The following R3HDM1 variants were observed in gnomAD, a reference collection of about 807,000 sequenced individuals.
R3HDM1 encodes the protein R3H domain containing 1, also known as R3H domain-containing protein 1.
Under a neutral mutation model 141.1 loss-of-function variants are expected in R3HDM1, and 46 were observed. The observed-to-expected ratio is 0.33, with a 90% CI of 0.26 to 0.42. R3HDM1 has a LOEUF of 0.42. Among genes scored for constraint, R3HDM1 ranks in the 10% least tolerant of loss-of-function variants. The pLI is 1.00. For synonymous variants in R3HDM1, 435 were observed against 472.9 expected, an observed-to-expected ratio of 0.92 and a Z score of 1.04; for missense variants, 1,184 against 1,368.3, an observed-to-expected ratio of 0.87 and a Z score of 2.12.
chr2:135,704,115 G>T (rs2105419491), intron 21 of R3HDM1, among the ~76,000 whole-genome samples: 1 of 152,176 alleles, frequency 6.6e-6, no homozygotes, highest in South Asian at 2.1e-4. Flanking sequence ...TGAATAACTG[G>T]GATTACAGGC....
intron 3 of R3HDM1, among the ~76,000 whole-genome samples, chr2:135,609,602 G>A (rs1387629511): frequency 2.6e-5 from 4 of 152,168 alleles, no homozygotes; most frequent in Non-Finnish European, 4.4e-5. Flanking sequence ...CCAGAAAAAT[G>A]TATTTTGTTA....
chr2:135,546,023 A>C (rs1698622350), intron 1 of R3HDM1, among the ~76,000 whole-genome samples: 1 of 152,196 alleles, frequency 6.6e-6, no homozygotes, highest in African/African-American at 2.4e-5. Flanking sequence ...ATATCAGAAT[A>C]GGGGAAGAGG....
At chr2:135,650,869 T>C in intron 17 of R3HDM1, 1 of 985,410 alleles carries the variant, frequency 1.0e-6, no homozygotes, top group Non-Finnish European at 1.2e-6. Context: ...ATTTTGTAAG[T>C]CATTTTTTTC....
chr2:135,550,898 A>C (rs1699717604), intron 1 of R3HDM1, among the ~76,000 whole-genome samples: 1 of 152,166 alleles, frequency 6.6e-6, no homozygotes, highest in Non-Finnish European at 1.5e-5. Flanking sequence ...GGCATACTAC[A>C]ATTATACTTC....
Position 135,676,230 on chromosome 2 carries a change from CAGG to C in R3HDM1, c.2307+747_2307+749del, listed in dbSNP as rs1220702490. Among the ~76,000 whole-genome samples the C allele has an allele frequency of 3.9e-5, 6 of 152,188 alleles. No homozygotes were observed. In the East Asian group the frequency reaches 9.7e-4, roughly 25 times the overall value. Reference sequence around the variant, plus strand: ...ATTCCAGCTACTCGGGAAGCTGAGGCAGGAGAATTGCTTAAACCCAGGAAGTGG... The same window carrying C: ...ATTCCAGCTACTCGGGAAGCTGAGGCAGAATTGCTTAAACCCAGGAAGTGG... On this transcript the variant is annotated intron_variant, in intron 20 of 26. Coordinates refer to ENST00000683871, the MANE Select transcript of R3HDM1 (RefSeq NM_001378107.1).
chr2:135,646,976 A>G (rs2064527234), intron 16 of R3HDM1, among the ~76,000 whole-genome samples: 1 of 152,136 alleles, frequency 6.6e-6, no homozygotes, highest in Admixed American at 6.5e-5. Context: ...TGCAGGGTTG[A>G]AGAACATACA....
intron 26 of R3HDM1, 60 bp from the exon 27 acceptor site, chr2:135,723,876 CT>C: frequency 7.9e-7 from 1 of 1,263,872 alleles, no homozygotes; most frequent in Middle Eastern, 2.1e-4. Context: ...GTCTGCAGTG[CT>C]TTTTTACCCA....
chr2:135,635,487 A>T (rs1349006775), intron 9 of R3HDM1, among the ~76,000 whole-genome samples: 1 of 152,236 alleles, frequency 6.6e-6, no homozygotes, highest in African/African-American at 2.4e-5. Flanking sequence ...TTACTGTTTT[A>T]TGTGTTACTG....
At chr2:135,567,546 TC>T (rs1345760251) in intron 1 of R3HDM1, among the ~76,000 whole-genome samples, 1 of 152,182 alleles carries the variant, frequency 6.6e-6, no homozygotes, top group Non-Finnish European at 1.5e-5. Context: ...GAGCTTAGTA[TC>T]CTAGAGTATA....
At chr2:135,553,991 C>T (rs1157880987) in intron 1 of R3HDM1, among the ~76,000 whole-genome samples, 2 of 152,192 alleles carry the variant, frequency 1.3e-5, no homozygotes, top group Non-Finnish European at 2.9e-5. Context: ...CGCTCAGCCT[C>T]TGCTGGTTTT....
intron 26 of R3HDM1, among the ~76,000 whole-genome samples, chr2:135,723,034 T>G (rs1433507825): frequency 1.3e-5 from 2 of 152,184 alleles, no homozygotes; most frequent in Non-Finnish European, 2.9e-5. Flanking sequence ...ATCACCTAAT[T>G]TAGAGAAGCC....
intron 18 of R3HDM1, among the ~76,000 whole-genome samples, chr2:135,653,892 A>G (rs1344427651): frequency 6.6e-6 from 1 of 152,080 alleles, no homozygotes; most frequent in Non-Finnish European, 1.5e-5. Context: ...TTTGTGTTCT[A>G]ATATTTTAGC....
chr2:135,542,677 CAA>C (rs1436392229), intron 1 of R3HDM1, among the ~76,000 whole-genome samples: 2 of 152,180 alleles, frequency 1.3e-5, no homozygotes, highest in African/African-American at 4.8e-5. Flanking sequence ...TACCAAGCAT[CAA>C]ACTGGCAGAT....
At chr2:135,534,298 A>G (rs1356462756) in intron 1 of R3HDM1, among the ~76,000 whole-genome samples, 1 of 152,220 alleles carries the variant, frequency 6.6e-6, no homozygotes, top group Non-Finnish European at 1.5e-5. Context: ...ATCCATATTC[A>G]TTGTGCTACC....
At chr2:135,667,063 T>G (rs1672141357) in intron 19 of R3HDM1, 1 of 881,016 alleles carries the variant, frequency 1.1e-6, no homozygotes, top group Non-Finnish European at 1.4e-6. Flanking sequence ...TTTTTGTAAT[T>G]TTTCTGATTA....
In R3HDM1 at chr2:135,579,836, A is replaced by T. The variant is rs146759685; in HGVS notation, c.-249-22664A>T. ...GTGTTACATCAATGTTAATTTTCTGATATCAGTAATTGTACTATAATTTTG... is the reference window on the plus strand; with the variant it reads ...GTGTTACATCAATGTTAATTTTCTGTTATCAGTAATTGTACTATAATTTTG... On this transcript the variant is annotated intron_variant, in intron 1 of 26. Coordinates refer to ENST00000683871, the MANE Select transcript of R3HDM1 (RefSeq NM_001378107.1). 2.7e-4 allele frequency among the ~76,000 whole-genome samples: 41 copies of T among 152,298 alleles called. No homozygotes were observed. The East Asian group carries it at 7.5e-3, about 28-fold the overall frequency.
intron 19 of R3HDM1, among the ~76,000 whole-genome samples, chr2:135,674,939 T>G (rs1203064021): frequency 7.6e-6 from 1 of 131,912 alleles, no homozygotes; most frequent in African/African-American, 3.2e-5. Flanking sequence ...ATAGTTGTTG[T>G]TTTTTTTTTT....
At chr2:135,610,230 CAT>C (rs1291947903) in intron 3 of R3HDM1, among the ~76,000 whole-genome samples, 1 of 152,144 alleles carries the variant, frequency 6.6e-6, no homozygotes, top group Non-Finnish European at 1.5e-5. Context: ...CATCTGTATA[CAT>C]GTGTATATGC....
At chr2:135,573,383 T>G (rs945859710) in intron 1 of R3HDM1, among the ~76,000 whole-genome samples, 2 of 152,188 alleles carry the variant, frequency 1.3e-5, no homozygotes, top group Non-Finnish European at 2.9e-5. Context: ...TCCTGGCATG[T>G]GATCTCTTCA....
Sources: gnomAD v4.1 joint callset for allele counts (sites outside exome capture counted in the v4.1 genomes callset) on GRCh38, gnomAD v4.1.1 for gene constraint, MANE v1.5 for transcripts, NCBI Gene and HGNC (gene_info 2026-07-23, HGNC 2026-07-21) for gene names.